LYN: variants seen among roughly 807,000 people sequenced by gnomAD.
LYN encodes LYN proto-oncogene, Src family tyrosine kinase.
Under a neutral mutation model 65.0 loss-of-function variants are expected in LYN, and 12 were observed. The ratio of observed to expected loss-of-function variants is 0.18; its 90% CI spans 0.12 to 0.30. The LOEUF (loss-of-function observed/expected upper bound fraction) is 0.30, where lower values mean the gene tolerates loss of function less well. LYN is among the 10% of genes least tolerant of loss of function. The pLI is 1.00. For missense variants in LYN, 380 were observed against 623.2 expected (o/e 0.61, Z 4.16); for synonymous variants, 222 against 221.2 (o/e 1.00, Z -0.03).
chr8:55,906,036 T>C (rs1805408670), intron 1 of LYN, among the ~76,000 whole-genome samples: 1 of 152,238 alleles, frequency 6.6e-6, no homozygotes, highest in Non-Finnish European at 1.5e-5. Flanking sequence ...TTTTCTTTCT[T>C]TTTCCATACA....
At chr8:55,999,925 C>G (rs111611540) in intron 12 of LYN, among the ~76,000 whole-genome samples, 1 of 151,516 alleles carries the variant, frequency 6.6e-6, no homozygotes, top group South Asian at 2.1e-4. Flanking sequence ...GAGCTGAGAT[C>G]GCGCCATTCC....
chr8:55,888,855 C>A (rs1304718944), intron 1 of LYN, among the ~76,000 whole-genome samples: 2 of 151,958 alleles, frequency 1.3e-5, no homozygotes, highest in African/African-American at 2.4e-5. Flanking sequence ...TGGTTTTAAG[C>A]AAAATTTTAA....
intron 1 of LYN, among the ~76,000 whole-genome samples, chr8:55,904,746 C>T (rs1414390053): frequency 6.6e-6 from 1 of 151,854 alleles, no homozygotes; most frequent in Non-Finnish European, 1.5e-5. Flanking sequence ...GAGACTCCAT[C>T]TCAAAAAAGA....
intron 1 of LYN, among the ~76,000 whole-genome samples, chr8:55,900,763 A>C (rs988857427): frequency 2.6e-5 from 4 of 152,116 alleles, no homozygotes; most frequent in South Asian, 2.1e-4. Flanking sequence ...CCTTCTCTTC[A>C]GTATGTATCT....
chr8:55,890,117 CAAAA>C (rs34706733), intron 1 of LYN, among the ~76,000 whole-genome samples: 37 of 79,094 alleles, frequency 4.7e-4, no homozygotes, highest in Middle Eastern at 9.3e-3. Context: ...CCTCTATAGA[CAAAA>C]AAAAAAAAAA....
At position 55,947,663 on chromosome 8, in the gene LYN, ATGG is replaced by A. The variant is rs752766518; in HGVS notation, c.225_227del (p.Gly76del). ...ATTGTGGTAGCCTTGTACCCCTATG[ATGG>A]CATCCACCCGGACGACTTGTCTTTC... On this transcript the variant is annotated inframe_deletion, in exon 4 of 13. Coordinates refer to ENST00000519728, the MANE Select transcript of LYN (RefSeq NM_002350.4). The A allele has an allele frequency of 6.2e-7, 1 of 1,614,018 alleles. No homozygotes were observed. The highest frequency in any genetic ancestry group is 8.5e-7 in the Non-Finnish European group (1 of 1,179,900).
intron 1 of LYN, among the ~76,000 whole-genome samples, chr8:55,898,802 A>G (rs114123387): frequency 0.013 from 2,018 of 152,164 alleles, 40 homozygotes; most frequent in African/African-American, 0.045. Context: ...TTCTAGCTCT[A>G]TAATAAATTT....
At chr8:55,922,779 A>G (rs949295078) in intron 1 of LYN, among the ~76,000 whole-genome samples, 3 of 151,708 alleles carry the variant, frequency 2.0e-5, no homozygotes, top group Admixed American at 6.6e-5. Flanking sequence ...AAAAAAAAAG[A>G]ATTTTGAATA....
At chr8:55,891,389 A>T (rs1804960629) in intron 1 of LYN, among the ~76,000 whole-genome samples, 2 of 152,268 alleles carry the variant, frequency 1.3e-5, no homozygotes, top group East Asian at 3.9e-4. Context: ...ACATGATACA[A>T]CAAGGACAAA....
chr8:55,928,828 G>A (rs774155415), intron 1 of LYN, among the ~76,000 whole-genome samples: 8 of 151,846 alleles, frequency 5.3e-5, no homozygotes, highest in African/African-American at 7.3e-5. Context: ...TTTTGATGTT[G>A]TATGTAAAAT....
In LYN at chr8:55,998,391, C is replaced by A; in HGVS notation, c.1096C>A (p.Arg366=). Residue 366 remains arginine (R), a synonymous_variant, in exon 11 of 13, where the codon CGG becomes AGG. Coordinates refer to ENST00000519728, the MANE Select transcript of LYN (RefSeq NM_002350.4). ...CATCGAGCGGAAGAACTACATTCAC[C>A]GGGACCTGCGAGCAGCTAATGTTCT... ...AYIERKNYIH[R]DLRAANVLVS... 2 of 1,613,966 alleles carry A rather than the reference C, an allele frequency of 1.2e-6. No individual in the cohort carries two copies. The highest frequency in any genetic ancestry group is 8.5e-7 in the Non-Finnish European group (1 of 1,179,896).
At chr8:55,974,008 G>T (rs1282141008) in intron 10 of LYN, among the ~76,000 whole-genome samples, 1 of 152,192 alleles carries the variant, frequency 6.6e-6, no homozygotes, top group East Asian at 1.9e-4. Context: ...GCTTCTTCTG[G>T]TTGATACAGC....
intron 2 of LYN, among the ~76,000 whole-genome samples, chr8:55,942,461 A>G (rs1474317593): frequency 6.7e-6 from 1 of 149,342 alleles, no homozygotes; most frequent in Non-Finnish European, 1.5e-5. Flanking sequence ...ATATATATAC[A>G]CACATACATA....
chr8:55,945,480 G>A (rs1806746081), intron 2 of LYN, among the ~76,000 whole-genome samples: 1 of 152,182 alleles, frequency 6.6e-6, no homozygotes, highest in Non-Finnish European at 1.5e-5. Context: ...TCACTGAAAT[G>A]GAGATTTTAT....
At chr8:56,002,827 C>T (rs975358176) in intron 12 of LYN, among the ~76,000 whole-genome samples, 1 of 151,892 alleles carries the variant, frequency 6.6e-6, no homozygotes, top group African/African-American at 2.4e-5. Flanking sequence ...TTTTTAGTCA[C>T]GAGAGTTGTA....
rs71555625 is a variant in LYN, at chr8:55,943,575, C to CAAAAAAAA, written c.132+1596_132+1603dup. Among the ~76,000 whole-genome samples, 8 of 77,898 alleles carry CAAAAAAAA rather than the reference C, an allele frequency of 1.0e-4. No homozygotes were observed. The South Asian group carries it at 3.9e-3, about 38-fold the overall frequency. The allele number at this position is 77,898 out of a possible 152,430, so 51.1% of individuals were successfully genotyped here. On this transcript the variant is annotated intron_variant, in intron 2 of 12. Coordinates refer to ENST00000519728, the MANE Select transcript of LYN (RefSeq NM_002350.4). ...TGGGTGACAGAGCGAGACTCTGTCTCAAAAAAAAAAAAAAAAAAAGGCATT... is the reference window on the plus strand; with the variant it reads ...TGGGTGACAGAGCGAGACTCTGTCTCAAAAAAAAAAAAAAAAAAAAAAAAAAAGGCATT...
Position 55,914,447 on chromosome 8 carries a change from T to C in LYN, c.-5-27408T>C, listed in dbSNP as rs149425228. On this transcript the variant is annotated intron_variant, in intron 1 of 12. Coordinates refer to ENST00000519728, the MANE Select transcript of LYN (RefSeq NM_002350.4). ...AAAGGAGAAGGCACTTATTTGCTCATGTGAGCCGTGTACAGTTCCTTCAGA... is the reference window on the plus strand; with the variant it reads ...AAAGGAGAAGGCACTTATTTGCTCACGTGAGCCGTGTACAGTTCCTTCAGA... 2.0e-5 allele frequency among the ~76,000 whole-genome samples: 3 copies of C among 152,270 alleles called. No individual in the cohort carries two copies. In the East Asian group the frequency reaches 5.8e-4, roughly 29 times the overall value.
At chr8:55,970,112 A>G (rs1199685408) in intron 10 of LYN, among the ~76,000 whole-genome samples, 1 of 152,226 alleles carries the variant, frequency 6.6e-6, no homozygotes, top group Admixed American at 6.5e-5. Flanking sequence ...AGGCAGTTCC[A>G]TGCTATGTAA....
At position 55,887,398 on chromosome 8, in the gene LYN, A is replaced by G. The variant is rs370127952; in HGVS notation, c.-6+7295A>G. ...ATAAACTGCATTTCAAACAATTTTTATACTAAGATCTTAATAGTGATTATT... is the reference window on the plus strand; with the variant it reads ...ATAAACTGCATTTCAAACAATTTTTGTACTAAGATCTTAATAGTGATTATT... On this transcript the variant is annotated intron_variant, in intron 1 of 12. Coordinates refer to ENST00000519728, the MANE Select transcript of LYN (RefSeq NM_002350.4). Among the ~76,000 whole-genome samples the G allele has an allele frequency of 1.3e-4, 20 of 152,184 alleles. No homozygotes were observed. The East Asian group carries it at 2.9e-3, about 22-fold the overall frequency.
Sources: gnomAD v4.1 joint callset for allele counts (sites outside exome capture counted in the v4.1 genomes callset) on GRCh38, gnomAD v4.1.1 for gene constraint, MANE v1.5 for transcripts, NCBI Gene and HGNC (gene_info 2026-07-23, HGNC 2026-07-21) for gene names.